Variants in ZC4H2 observed in about 807,000 individuals in gnomAD.
ZC4H2 encodes the protein zinc finger C4H2 domain-containing protein.
For synonymous variants in ZC4H2, 84 were observed against 66.3 expected (o/e 1.27, Z -1.30); for missense variants, 137 against 173.9 (o/e 0.79, Z 1.19).
intron 1 of ZC4H2, among the ~76,000 whole-genome samples, chrX:65,023,022 C>A (rs1932848747): frequency 9.0e-6 from 1 of 111,615 alleles, no homozygotes; most frequent in South Asian, 3.8e-4. Context: ...GTCTATATAT[C>A]TGTTTTGGTA....
chrX:65,002,640 T>C (rs1356867218), intron 1 of ZC4H2, among the ~76,000 whole-genome samples: 2 of 111,033 alleles, frequency 1.8e-5, no homozygotes, highest in African/African-American at 6.5e-5. Context: ...GGGGAAAAGA[T>C]AGAGAAATCA....
intron 1 of ZC4H2, among the ~76,000 whole-genome samples, chrX:64,962,759 T>C (rs1157417311): frequency 1.8e-5 from 2 of 111,435 alleles, no homozygotes; most frequent in Non-Finnish European, 3.8e-5. Context: ...ACAAACTATC[T>C]GAAAAGGAAA....
rs1272644514 is a variant in ZC4H2, at chrX:64,915,852, G to A, written c.*1931C>T. On this transcript the variant is annotated 3_prime_UTR_variant, in exon 5 of 5. Transcript: ENST00000374839. ...AGGCACAGAGAGGTTTTATTTAGCT[G>A]TTGAATTCCCTGACAAGCACAGAGA... 1 of 111,960 alleles carries A rather than the reference G, an allele frequency of 8.9e-6. No individual in the cohort carries two copies. Among genetic ancestry groups the A allele is most frequent in the African/African-American group, 3.2e-5 (1 of 30,799 alleles). 9.2% of individuals were successfully genotyped at this position (111,960 alleles called of 1,213,427 possible). A position where few individuals can be genotyped will look rare whatever the true frequency, so the allele number is the denominator to read the frequency against.
At chrX:64,942,384 C>T (rs1930328943) in intron 1 of ZC4H2, among the ~76,000 whole-genome samples, 1 of 110,199 alleles carries the variant, frequency 9.1e-6, no homozygotes, top group African/African-American at 3.3e-5. Flanking sequence ...TTCTGGGATA[C>T]ATGTGCAGAA....
intron 1 of ZC4H2, among the ~76,000 whole-genome samples, chrX:64,947,660 C>G (rs1368135968): frequency 8.9e-6 from 1 of 111,928 alleles, no homozygotes; most frequent in African/African-American, 3.2e-5. Context: ...AATACGTAGA[C>G]AAGACTGAAA....
intron 1 of ZC4H2, among the ~76,000 whole-genome samples, chrX:65,029,025 C>G (rs1184425395): frequency 9.0e-6 from 1 of 110,604 alleles, no homozygotes; most frequent in Non-Finnish European, 1.9e-5. Flanking sequence ...TTAAAGTCAT[C>G]CATGTGCAGG....
At chrX:65,027,021 A>G (rs1048169404) in intron 1 of ZC4H2, among the ~76,000 whole-genome samples, 10 of 112,352 alleles carry the variant, frequency 8.9e-5, no homozygotes, top group African/African-American at 2.6e-4. Flanking sequence ...CCAGACTCCC[A>G]AGGAAGGACT....
intron 1 of ZC4H2, among the ~76,000 whole-genome samples, chrX:64,923,476 A>G (rs1178947634): frequency 9.2e-6 from 1 of 108,685 alleles, no homozygotes; most frequent in Middle Eastern, 4.3e-3. Context: ...AGTCTATCCT[A>G]TGGGTGATCC....
In ZC4H2 at chrX:64,916,461, T is replaced by A. The variant is rs1302801777; in HGVS notation, c.*1322A>T. 2 of 111,873 alleles carry A rather than the reference T, an allele frequency of 1.8e-5. No homozygotes were observed. The highest frequency in any genetic ancestry group is 3.8e-5 in the Non-Finnish European group (2 of 53,166). The allele number at this position is 111,873 out of a possible 1,213,427, so 9.2% of individuals were successfully genotyped here. A position where few individuals can be genotyped will look rare whatever the true frequency, so the allele number is the denominator to read the frequency against. On this transcript the variant is annotated 3_prime_UTR_variant, in exon 5 of 5. Coordinates refer to ENST00000374839, the MANE Select transcript of ZC4H2 (RefSeq NM_018684.4). ...CTCCAATGAATGCATGTTAAAAGGATTTGTACAGACACAACACTCTTACTT... is the reference window on the plus strand; with the variant it reads ...CTCCAATGAATGCATGTTAAAAGGAATTGTACAGACACAACACTCTTACTT...
chrX:64,934,578 C>T (rs957469250), intron 1 of ZC4H2, among the ~76,000 whole-genome samples: 2 of 112,132 alleles, frequency 1.8e-5, no homozygotes, highest in Non-Finnish European at 3.8e-5. Flanking sequence ...ACAGCTCTGT[C>T]TGCAGCTCAC....
At chrX:65,018,975 G>C (rs866282711) in intron 1 of ZC4H2, among the ~76,000 whole-genome samples, 8 of 111,665 alleles carry the variant, frequency 7.2e-5, no homozygotes, top group Non-Finnish European at 1.1e-4. Context: ...CGGCCAGAAG[G>C]CCTCTCTAGA....
chrX:64,919,101 C>A lies in ZC4H2; in HGVS notation c.502G>T (p.Ala168Ser), dbSNP rs369918702. The change falls in exon 4 of 5, where the codon GCT becomes TCT. Residue 168 changes from alanine (A) to serine (S), a missense_variant. Physicochemically the swap from Ala to Ser is moderately conservative, Grantham distance 99 (BLOSUM62 1). Transcript: ENST00000374839. ...AAAAAQQLQV[A>S]RKQDTRQTAT... is the part of the protein sequence containing the mutation. Reference sequence around the variant, plus strand: ...GTCTGCCGAGTATCCTGCTTCCTAGCCACTTGGAGCTGTTGGGCGGCAGCG... The same window carrying A: ...GTCTGCCGAGTATCCTGCTTCCTAGACACTTGGAGCTGTTGGGCGGCAGCG... 1.7e-6 allele frequency: 2 copies of A among 1,199,173 alleles called. No homozygotes were observed. The highest frequency in any genetic ancestry group is 2.3e-6 in the Non-Finnish European group (2 of 888,199).
intron 1 of ZC4H2, among the ~76,000 whole-genome samples, chrX:64,965,949 C>CTAA (rs1931575142): frequency 2.7e-5 from 1 of 37,586 alleles, no homozygotes; most frequent in Non-Finnish European, 4.0e-5. Flanking sequence ...AACAAAGAAG[C>CTAA]AAAAAAAAAA....
At chrX:65,016,734 C>A (rs1048790609) in intron 1 of ZC4H2, among the ~76,000 whole-genome samples, 11 of 111,880 alleles carry the variant, frequency 9.8e-5, no homozygotes, top group African/African-American at 3.6e-4. Context: ...GACCAGGGCC[C>A]AATATGTCTA....
intron 1 of ZC4H2, among the ~76,000 whole-genome samples, chrX:64,948,070 G>C (rs956845232): frequency 9.0e-6 from 1 of 111,329 alleles, no homozygotes; most frequent in African/African-American, 3.3e-5. Context: ...GAACAAGCAA[G>C]GTAACTGCAA....
intron 1 of ZC4H2, among the ~76,000 whole-genome samples, chrX:64,962,126 A>T (rs1437820363): frequency 8.9e-6 from 1 of 111,752 alleles, no homozygotes; most frequent in Non-Finnish European, 1.9e-5. Context: ...AAACTAGAGG[A>T]CACTATCTCT....
At chrX:64,944,012 G>GA (rs894790315) in intron 1 of ZC4H2, among the ~76,000 whole-genome samples, 3 of 111,117 alleles carry the variant, frequency 2.7e-5, no homozygotes, top group African/African-American at 9.8e-5. Context: ...AGGAGCTCTT[G>GA]AATGGTAGGC....
chrX:64,918,814 C>A, intron 4 of ZC4H2: 1 of 314,140 alleles, frequency 3.2e-6, no homozygotes, highest in East Asian at 4.9e-5. Flanking sequence ...CTAGCAGGGC[C>A]TGAAAATCTC....
At chrX:65,013,943 A>G (rs1417650589) in intron 1 of ZC4H2, among the ~76,000 whole-genome samples, 2 of 111,272 alleles carry the variant, frequency 1.8e-5, no homozygotes, top group Non-Finnish European at 3.8e-5. Flanking sequence ...CATGATTCAG[A>G]TATTTTCTCT....
Sources: allele counts gnomAD v4.1 joint callset (sites outside exome capture counted in the v4.1 genomes callset), GRCh38; gene constraint gnomAD v4.1.1; transcripts MANE v1.5; gene names NCBI Gene and HGNC (gene_info 2026-07-23, HGNC 2026-07-21).